Variants in CEP63 observed in about 807,000 individuals in gnomAD.
CEP63 encodes the protein centrosomal protein 63.
CEP63 carries 84 observed loss-of-function variants against 89.1 expected under a neutral mutation model. The observed-to-expected ratio is 0.94, with a 90% CI of 0.79 to 1.13. The LOEUF is 1.13. CEP63 is among the 50% of genes most tolerant of loss of function. The pLI is 0.00. For missense variants in CEP63, 838 were observed against 813.3 expected, an observed-to-expected ratio of 1.03 and a Z score of -0.37; for synonymous variants, 267 against 272.5, an observed-to-expected ratio of 0.98 and a Z score of 0.20.
the CEP63 span, among the ~76,000 whole-genome samples, chr3:134,668,986 C>T: frequency 6.6e-6 from 1 of 152,040 alleles, no homozygotes; most frequent in East Asian, 1.9e-4. Context: ...CTAAGGAGCA[C>T]AGACCATGTA....
At chr3:134,604,965 T>A in the CEP63 span, among the ~76,000 whole-genome samples, 7 of 152,300 alleles carry the variant, frequency 4.6e-5, no homozygotes, top group Admixed American at 3.9e-4. Flanking sequence ...CTTCACTCCC[T>A]GAGACTGTGC....
In CEP63 at chr3:134,545,715, C is replaced by T. The variant is rs772271443; in HGVS notation, c.685C>T (p.Arg229Cys). Residue 229 changes from arginine to cysteine, a missense_variant, in exon 7 of 15, where the codon CGC becomes TGC. Transcript: ENST00000675561. ...CTGTGCCAATGAGTTGGAAATAGAGCGCCTCACCATGAGGGTCAATGACTT... is the reference window on the plus strand; with the variant it reads ...CTGTGCCAATGAGTTGGAAATAGAGTGCCTCACCATGAGGGTCAATGACTT... ...TICANELEIE[R>C]LTMRVNDLVG... 6.2e-6 allele frequency: 10 copies of T among 1,613,882 alleles called. No individual in the cohort carries two copies. The highest frequency in any genetic ancestry group is 4.0e-5 in the African/African-American group (3 of 74,886).
chr3:134,509,547 A>G (rs536321704), intron 3 of CEP63, among the ~76,000 whole-genome samples: 1 of 152,336 alleles, frequency 6.6e-6, no homozygotes, highest in East Asian at 1.9e-4. Flanking sequence ...TGATGGTTAC[A>G]AATTTTCCAG....
the CEP63 span, chr3:134,629,796 C>T: frequency 1.3e-6 from 1 of 747,482 alleles, no homozygotes; most frequent in Non-Finnish European, 2.3e-6. Flanking sequence ...AGTTTTAGAA[C>T]TTTCTTTTGT....
intron 12 of CEP63, 108 bp from the exon 13 acceptor site, chr3:134,558,034 T>A (rs1956587931): frequency 2.2e-6 from 2 of 916,826 alleles, no homozygotes; most frequent in Non-Finnish European, 3.6e-6. Context: ...ATTAAAGCCA[T>A]AGATTAACTA....
the CEP63 span, among the ~76,000 whole-genome samples, chr3:134,698,415 G>A: frequency 3.5e-4 from 53 of 152,334 alleles, no homozygotes; most frequent in Middle Eastern, 3.4e-3. Flanking sequence ...GAAGGGGGGC[G>A]GGATGTGAGC....
chr3:134,545,681 T>A lies in CEP63; in HGVS notation c.651T>A (p.Asn217Lys). The A allele has an allele frequency of 6.2e-7, 1 of 1,614,138 alleles. No individual in the cohort carries two copies. The highest frequency in any genetic ancestry group is 8.5e-7 in the Non-Finnish European group (1 of 1,180,022). The change falls in exon 7 of 15, where the codon AAT becomes AAA. Residue 217 changes from asparagine (N) to lysine (K), a missense_variant. Asn to Lys is a moderately conservative substitution (Grantham distance 94). Coordinates refer to ENST00000675561, the MANE Select transcript of CEP63 (RefSeq NM_001353108.3). ...QHLSSKLERA[N>K]DTICANELEI... is the part of the protein sequence containing the mutation. Reference sequence around the variant, plus strand: ...TAAGCAGTAAACTGGAGCGGGCTAATGACACTATCTGTGCCAATGAGTTGG... The same window carrying A: ...TAAGCAGTAAACTGGAGCGGGCTAAAGACACTATCTGTGCCAATGAGTTGG...
chr3:134,705,104 C>A, the CEP63 span, among the ~76,000 whole-genome samples: 7 of 152,090 alleles, frequency 4.6e-5, no homozygotes, highest in African/African-American at 1.7e-4. Flanking sequence ...GGTCCCCAAC[C>A]CTTTTGGATT....
the CEP63 span, among the ~76,000 whole-genome samples, chr3:134,725,971 G>A: frequency 6.6e-6 from 1 of 152,122 alleles, no homozygotes; most frequent in Non-Finnish European, 1.5e-5. Context: ...AAGGACATGG[G>A]GGTTGCAAGA....
the CEP63 span, among the ~76,000 whole-genome samples, chr3:134,609,562 A>G: frequency 2.2e-4 from 34 of 152,262 alleles, no homozygotes; most frequent in Admixed American, 5.2e-4. Context: ...GCTGCTGATA[A>G]CATCATGATC....
the CEP63 span, among the ~76,000 whole-genome samples, chr3:134,621,243 C>T: frequency 6.6e-6 from 1 of 152,080 alleles, no homozygotes; most frequent in Non-Finnish European, 1.5e-5. Context: ...CTATAAATTC[C>T]AAGGGGCTCC....
chr3:134,498,478 T>C (rs997102220), intron 2 of CEP63, among the ~76,000 whole-genome samples: 5 of 152,198 alleles, frequency 3.3e-5, no homozygotes, highest in African/African-American at 1.2e-4. Context: ...GGTTTTTCTG[T>C]ATGTCAGATT....
chr3:134,639,290 T>C, the CEP63 span, among the ~76,000 whole-genome samples: 1 of 152,126 alleles, frequency 6.6e-6, no homozygotes, highest in African/African-American at 2.4e-5. Context: ...TAGAACATGA[T>C]GGAACACCAC....
At chr3:134,716,875 A>C in the CEP63 span, among the ~76,000 whole-genome samples, 1 of 142,006 alleles carries the variant, frequency 7.0e-6, no homozygotes, top group Admixed American at 7.1e-5. Context: ...TCTTCGCTGC[A>C]ACACTCAAGT....
chr3:134,610,166 C>G, the CEP63 span: 1 of 1,592,914 alleles, frequency 6.3e-7, no homozygotes, highest in Non-Finnish European at 8.6e-7. Flanking sequence ...ACCTGCCAGA[C>G]GCCCAGCAGA....
the CEP63 span, chr3:134,603,549 C>G: frequency 6.5e-7 from 1 of 1,543,268 alleles, no homozygotes; most frequent in Non-Finnish European, 8.8e-7. Flanking sequence ...GGCCTTGGCC[C>G]TTTGGGAGGG....
the CEP63 span, among the ~76,000 whole-genome samples, chr3:134,627,449 TC>T: frequency 6.6e-6 from 1 of 152,238 alleles, no homozygotes; most frequent in African/African-American, 2.4e-5. Flanking sequence ...CATTTGGCAT[TC>T]CATTTAAAGT....
At chr3:134,558,938 A>G (rs1008813680) in intron 13 of CEP63, among the ~76,000 whole-genome samples, 3 of 152,136 alleles carry the variant, frequency 2.0e-5, no homozygotes, top group Non-Finnish European at 2.9e-5. Flanking sequence ...TTGCTATACC[A>G]TAAGTGTGTG....
the CEP63 span, among the ~76,000 whole-genome samples, chr3:134,654,715 T>C: frequency 5.3e-3 from 804 of 152,316 alleles, 7 homozygotes; most frequent in Admixed American, 9.8e-3. Flanking sequence ...TGGACTTCCC[T>C]GGCAAGTACA....
Sources: gnomAD v4.1 joint callset for allele counts (sites outside exome capture counted in the v4.1 genomes callset) on GRCh38, gnomAD v4.1.1 for gene constraint, MANE v1.5 for transcripts, NCBI Gene and HGNC (gene_info 2026-07-23, HGNC 2026-07-21) for gene names.